The following RARB variants were observed in gnomAD, a reference collection of about 807,000 sequenced individuals.
RARB encodes the protein HBV-activated protein.
In RARB, 17 loss-of-function variants were observed where a neutral mutation model predicts 51.9. The observed-to-expected ratio is 0.33, with a 90% CI of 0.22 to 0.49. The LOEUF (loss-of-function observed/expected upper bound fraction) is 0.49, where lower values mean the gene tolerates loss of function less well. RARB is among the 20% of genes least tolerant of loss of function. RARB has a pLI of 0.99. For missense variants in RARB, 369 were observed against 550.8 expected, an observed-to-expected ratio of 0.67 and a Z score of 3.30; for synonymous variants, 215 against 195.4, an observed-to-expected ratio of 1.10 and a Z score of -0.84.
At chr3:25,288,447 T>C (rs1177851007) in intron 5 of RARB, among the ~76,000 whole-genome samples, 2 of 152,328 alleles carry the variant, frequency 1.3e-5, no homozygotes, top group Non-Finnish European at 2.9e-5. Context: ...GTCAATGTGC[T>C]GTTTTCTTTG....
At chr3:25,066,604 A>C (rs1341460725) in intron 3 of RARB, among the ~76,000 whole-genome samples, 2 of 146,728 alleles carry the variant, frequency 1.4e-5, no homozygotes, top group Non-Finnish European at 3.0e-5. Flanking sequence ...CGCACACATA[A>C]ACACACACAC....
chr3:24,918,340 G>T (rs1425522236), intron 2 of RARB, among the ~76,000 whole-genome samples: 2 of 152,160 alleles, frequency 1.3e-5, no homozygotes, highest in African/African-American at 4.8e-5. Flanking sequence ...ATCTTTATTT[G>T]TATGAAATAC....
At chr3:25,049,162 C>T (rs1002162152) in intron 2 of RARB, among the ~76,000 whole-genome samples, 5 of 152,066 alleles carry the variant, frequency 3.3e-5, no homozygotes, top group African/African-American at 1.2e-4. Context: ...TAGGCTAGGT[C>T]GAAGTATCTC....
rs1255174007 is a variant in RARB at position 25,336,069 on chromosome 3, GA to G, written c.179-125111del. Among the ~76,000 whole-genome samples the G allele has an allele frequency of 2.8e-3, 369 of 131,946 alleles. 3 individuals carry two copies. The highest frequency in any genetic ancestry group is 8.7e-3 in the South Asian group (35 of 4,020). 86.6% of individuals were successfully genotyped at this position (131,946 alleles called of 152,430 possible). On this transcript the variant is annotated intron_variant, in intron 5 of 11. Transcript: ENST00000383772. ...CCAGAAGACACCCCCACTGGGGAGGGAAAAAAAAAAAAACATTCAAAGCATG... is the reference window on the plus strand; with the variant it reads ...CCAGAAGACACCCCCACTGGGGAGGGAAAAAAAAAAAACATTCAAAGCATG...
Position 25,060,335 on chromosome 3 carries a change from T to G in RARB, c.-328+159T>G, listed in dbSNP as rs139893165. 2.5e-3 allele frequency among the ~76,000 whole-genome samples: 386 copies of G among 152,022 alleles called. 5 individuals are homozygous for G. The highest frequency in any genetic ancestry group is 8.9e-3 in the African/African-American group (369 of 41,546). On this transcript the variant is annotated intron_variant, in intron 3 of 11. Coordinates refer to the RARB transcript ENST00000383772. The stretch of plus-strand genomic sequence containing the variant: ...TAAAAACCAATATTTATATTTTTAC[T>G]ATATATAAAAATGGTTCTATAAATG...
At position 25,544,463 on chromosome 3, in the gene RARB, G is replaced by A. The variant is rs574916713; in HGVS notation, c.449-25295G>A. On this transcript the variant is annotated intron_variant, in intron 3 of 7. Coordinates refer to ENST00000330688, the MANE Select transcript of RARB (RefSeq NM_000965.5). ...AATTAGTTACCCAAGACCTAGTTTA[G>A]CAGCTATCTTCACCAAAAACCAATT... is the stretch of plus-strand genomic sequence containing the variant. Among the ~76,000 whole-genome samples, 9 of 152,282 alleles carry A rather than the reference G, an allele frequency of 5.9e-5. No individual in the cohort carries two copies. The South Asian group carries it at 1.7e-3, about 28-fold the overall frequency.
intron 1 of RARB, among the ~76,000 whole-genome samples, chr3:24,856,286 T>G (rs1702635001): frequency 1.3e-5 from 2 of 152,254 alleles, no homozygotes; most frequent in South Asian, 4.1e-4. Flanking sequence ...GAGGGTTTTG[T>G]CACTTTGTGG....
intron 5 of RARB, among the ~76,000 whole-genome samples, chr3:25,413,748 A>G (rs1367547477): frequency 1.3e-5 from 2 of 152,096 alleles, no homozygotes; most frequent in Admixed American, 6.6e-5. Context: ...CCTGATAACC[A>G]ATGAAGTTGA....
chr3:25,152,190 T>C (rs932416032), intron 4 of RARB, among the ~76,000 whole-genome samples: 7 of 152,228 alleles, frequency 4.6e-5, no homozygotes, highest in Non-Finnish European at 7.3e-5. Flanking sequence ...TGAAATAGTT[T>C]AAATACTCTC....
At chr3:25,584,216 C>T (rs906584698) in intron 5 of RARB, among the ~76,000 whole-genome samples, 4 of 152,214 alleles carry the variant, frequency 2.6e-5, no homozygotes, top group East Asian at 3.9e-4. Context: ...TACTGTGTGC[C>T]GCGCACTATT....
At chr3:25,194,920 G>C (rs1284579940) in intron 5 of RARB, among the ~76,000 whole-genome samples, 1 of 151,884 alleles carries the variant, frequency 6.6e-6, no homozygotes. Flanking sequence ...AAGCATGCTT[G>C]AAAGAGTATG....
chr3:25,375,176 A>G (rs1706422078), intron 5 of RARB, among the ~76,000 whole-genome samples: 1 of 152,248 alleles, frequency 6.6e-6, no homozygotes, highest in Non-Finnish European at 1.5e-5. Context: ...CCATCAGCAT[A>G]TTCCACCTTT....
intron 2 of RARB, among the ~76,000 whole-genome samples, chr3:24,903,546 G>T (rs139729149): frequency 6.6e-6 from 1 of 152,110 alleles, no homozygotes; most frequent in African/African-American, 2.4e-5. Context: ...AAAATCTTCA[G>T]ATGTCAGCTT....
intron 3 of RARB, among the ~76,000 whole-genome samples, chr3:25,080,835 A>G (rs1488269562): frequency 6.6e-6 from 1 of 152,006 alleles, no homozygotes; most frequent in Non-Finnish European, 1.5e-5. Flanking sequence ...ATTTTTTTCT[A>G]CTTTTAAGGT....
At chr3:24,922,515 G>A (rs530181816) in intron 2 of RARB, among the ~76,000 whole-genome samples, 143 of 152,248 alleles carry the variant, frequency 9.4e-4, no homozygotes, top group Middle Eastern at 3.4e-3. Context: ...TTACAGACGA[G>A]GAAACTGAGT....
intron 5 of RARB, among the ~76,000 whole-genome samples, chr3:25,292,300 G>A (rs1286554682): frequency 6.6e-6 from 1 of 152,164 alleles, no homozygotes; most frequent in Non-Finnish European, 1.5e-5. Context: ...TTGGAAATGT[G>A]TCCAAGAAAT....
chr3:25,455,135 G>C (rs1296371797), intron 1 of RARB, among the ~76,000 whole-genome samples: 1 of 152,208 alleles, frequency 6.6e-6, no homozygotes, highest in African/African-American at 2.4e-5. Context: ...CGTCCGCAAG[G>C]AGAGAAGTTC....
chr3:25,336,630 A>G (rs1343746150), intron 5 of RARB, among the ~76,000 whole-genome samples: 2 of 152,164 alleles, frequency 1.3e-5, no homozygotes, highest in Non-Finnish European at 2.9e-5. Flanking sequence ...TCTCTGCCCA[A>G]CAACATATGG....
chr3:25,563,053 T>A (rs1006504281), intron 3 of RARB, among the ~76,000 whole-genome samples: 1 of 152,242 alleles, frequency 6.6e-6, no homozygotes, highest in Non-Finnish European at 1.5e-5. Flanking sequence ...GAATGCTGTG[T>A]CCAGACTAAT....
Sources: allele counts gnomAD v4.1 joint callset (sites outside exome capture counted in the v4.1 genomes callset), GRCh38; gene constraint gnomAD v4.1.1; transcripts MANE v1.5; gene names NCBI Gene and HGNC (gene_info 2026-07-23, HGNC 2026-07-21).